PRRC2B: variants seen among roughly 807,000 people sequenced by gnomAD.
The protein encoded by PRRC2B is proline rich coiled-coil 2B.
A neutral mutation model predicts 242.3 loss-of-function variants in PRRC2B; 68 were observed. The ratio of observed to expected loss-of-function variants is 0.28; its 90% confidence interval spans 0.23 to 0.34. The LOEUF (loss-of-function observed/expected upper bound fraction) is 0.34. Among genes scored for constraint, PRRC2B ranks in the 10% least tolerant of loss-of-function variants. The pLI is 1.00. For missense variants in PRRC2B, 2,835 were observed against 2,954.8 expected (o/e 0.96, Z 0.94); for synonymous variants, 1,228 against 1,173.6 (o/e 1.05, Z -0.95).
intron 1 of PRRC2B, among the ~76,000 whole-genome samples, chr9:131,408,183 A>C (rs759401208): frequency 6.6e-6 from 1 of 152,192 alleles, no homozygotes; most frequent in African/African-American, 2.4e-5. Context: ...TCTGACTCCC[A>C]TGTAATTTAC....
intron 1 of PRRC2B, among the ~76,000 whole-genome samples, chr9:131,420,486 TTTCTTTC>T (rs1268038306): frequency 0.054 from 989 of 18,274 alleles, 49 homozygotes; most frequent in African/African-American, 0.1. Context: ...TCTTTCTTTC[TTTCTTTC>T]TTTTTTTTTT....
Position 131,487,737 on chromosome 9 carries a change from C to T in PRRC2B, c.5985-119C>T. The T allele has an allele frequency of 7.3e-7, 1 of 1,375,342 alleles. No homozygotes were observed. Among genetic ancestry groups the T allele is most frequent in the Non-Finnish European group, 9.8e-7 (1 of 1,023,044 alleles). The allele number at this position is 1,375,342 out of a possible 1,614,324, so 85.2% of individuals were successfully genotyped here. A position where few individuals can be genotyped will look rare whatever the true frequency, so the allele number is the denominator to read the frequency against. On this transcript the variant is annotated intron_variant, in intron 27 of 31. Transcript: ENST00000683519. This position sits in a 1 kb window ranked among gnomAD's most constrained non-coding sequence, Gnocchi z 5.3. ...CATCCTGGACCCTCTGAGTCGCGCT[C>T]TGGGGGTGGGGCCGGGGATCTGTGG...
intron 1 of PRRC2B, among the ~76,000 whole-genome samples, chr9:131,424,531 C>A (rs780521513): frequency 6.6e-6 from 1 of 151,802 alleles, no homozygotes; most frequent in African/African-American, 2.4e-5. Flanking sequence ...TACTAAAATA[C>A]GAAAATTAGC....
rs565053117 is a variant in PRRC2B at position 131,482,151 on chromosome 9, G to T, written c.4984-220G>T. ...ATGGGTTTGGCAGCCTCGGTCTGGG[G>T]CCCATAGAAGATCCTGTGGTCACGA... On this transcript the variant is annotated intron_variant, in intron 20 of 31. Coordinates refer to ENST00000683519, the MANE Select transcript of PRRC2B (RefSeq NM_013318.4). This position sits in a 1 kb window ranked among gnomAD's most constrained non-coding sequence, Gnocchi z 5.2. Among the ~76,000 whole-genome samples the T allele has an allele frequency of 6.6e-6, 1 of 152,208 alleles. No individual in the cohort carries two copies. Among genetic ancestry groups the T allele is most frequent in the Non-Finnish European group, 1.5e-5 (1 of 68,044 alleles).
intron 9 of PRRC2B, among the ~76,000 whole-genome samples, chr9:131,449,867 G>C (rs1485709691): frequency 6.6e-6 from 1 of 152,144 alleles, no homozygotes; most frequent in Non-Finnish European, 1.5e-5. Flanking sequence ...ATTAATTTTA[G>C]GTCTTTGATC....
chr9:131,384,019 G>T (rs189376574), intron 1 of PRRC2B, among the ~76,000 whole-genome samples: 12 of 151,100 alleles, frequency 7.9e-5, no homozygotes, highest in Admixed American at 2.0e-4. Context: ...CCTGGGTTCA[G>T]CTGATCTTCC....
intron 1 of PRRC2B, among the ~76,000 whole-genome samples, chr9:131,414,413 C>A (rs949300052): frequency 7.9e-6 from 1 of 126,450 alleles, no homozygotes; most frequent in East Asian, 2.5e-4. Context: ...AAGTTTGTAT[C>A]TTTTGCTTTT....
At position 131,458,740 on chromosome 9, in the gene PRRC2B, T is replaced by C. The variant is rs563754311; in HGVS notation, c.1212-424T>C. 1.2e-3 allele frequency among the ~76,000 whole-genome samples: 189 copies of C among 152,282 alleles called. 1 individual carries two copies. The highest frequency in any genetic ancestry group is 3.9e-3 in the African/African-American group (163 of 41,570). On this transcript the variant is annotated intron_variant, in intron 10 of 31. Coordinates refer to ENST00000683519, the MANE Select transcript of PRRC2B (RefSeq NM_013318.4). ...CTGATCTGGAACTCCTGACCTCAAA[T>C]GATCAGCCCGCCTCAGCCTCCCAAA...
At chr9:131,418,736 C>G (rs1225120385) in intron 1 of PRRC2B, among the ~76,000 whole-genome samples, 1 of 152,220 alleles carries the variant, frequency 6.6e-6, no homozygotes, top group Non-Finnish European at 1.5e-5. Context: ...TCAGCTCAGC[C>G]TTTCTGCCAT....
intron 1 of PRRC2B, among the ~76,000 whole-genome samples, chr9:131,423,677 T>G (rs951739156): frequency 1.3e-5 from 2 of 152,222 alleles, no homozygotes; most frequent in African/African-American, 4.8e-5. Context: ...GTTCTGGGCT[T>G]TGTGGGCCAT....
chr9:131,429,500 G>C (rs1281613139), intron 1 of PRRC2B, among the ~76,000 whole-genome samples: 2 of 152,196 alleles, frequency 1.3e-5, no homozygotes, highest in African/African-American at 4.8e-5. Flanking sequence ...AGCTTAGAGA[G>C]CCCTTTTGTT....
At position 131,487,422 on chromosome 9, in the gene PRRC2B, A is replaced by T; in HGVS notation, c.5984+128A>T. 1.2e-6 allele frequency: 1 copy of T among 811,944 alleles called. No individual in the cohort carries two copies. Among genetic ancestry groups the T allele is most frequent in the African/African-American group, 1.7e-5 (1 of 57,488 alleles). 50.3% of individuals were successfully genotyped at this position (811,944 alleles called of 1,614,324 possible). On this transcript the variant is annotated intron_variant, in intron 27 of 31. Transcript: ENST00000683519. The surrounding 1 kb of genome is among the most constrained non-coding windows in gnomAD (Gnocchi z 5.3). ...GGCCAGTGGGGCGGGGAGGGGTGGG[A>T]GTTTGCTCTGAATCACTCTTCAGTC... is the stretch of plus-strand genomic sequence containing the variant.
At chr9:131,423,567 T>C (rs1837903195) in intron 1 of PRRC2B, among the ~76,000 whole-genome samples, 2 of 152,168 alleles carry the variant, frequency 1.3e-5, no homozygotes, top group Non-Finnish European at 1.5e-5. Flanking sequence ...GAAATCCGAA[T>C]GATTCTGGTT....
At chr9:131,404,254 T>C (rs1275560816) in intron 1 of PRRC2B, among the ~76,000 whole-genome samples, 1 of 151,658 alleles carries the variant, frequency 6.6e-6, no homozygotes, top group Non-Finnish European at 1.5e-5. Context: ...GGACAGAGTT[T>C]TGCTTGTTGC....
At chr9:131,437,067 G>A (rs552406587) in intron 4 of PRRC2B, among the ~76,000 whole-genome samples, 1 of 152,240 alleles carries the variant, frequency 6.6e-6, no homozygotes, top group African/African-American at 2.4e-5. Context: ...TGAGCTCCAT[G>A]GAAGCTTGGG....
intron 4 of PRRC2B, 71 bp downstream of exon 4, chr9:131,436,793 A>T: frequency 1.6e-6 from 2 of 1,276,866 alleles, no homozygotes; most frequent in Non-Finnish European, 2.2e-6. Flanking sequence ...TTGCTGGGGG[A>T]TGGAAGGAGT....
At chr9:131,477,686 G>A (rs956538920) in intron 16 of PRRC2B, 58 bp from the exon 17 acceptor site, 51 of 1,029,784 alleles carry the variant, frequency 5.0e-5, no homozygotes, top group African/African-American at 3.4e-4. Context: ...CTGTGTGCAC[G>A]TGCGGTGTTT....
intron 9 of PRRC2B, among the ~76,000 whole-genome samples, chr9:131,454,186 A>C (rs1943003695): frequency 6.6e-6 from 1 of 152,206 alleles, no homozygotes; most frequent in South Asian, 2.1e-4. Context: ...ATTATGTTAT[A>C]GCATGTGTTT....
At chr9:131,443,759 G>A (rs1213568003) in intron 5 of PRRC2B, among the ~76,000 whole-genome samples, 1 of 152,168 alleles carries the variant, frequency 6.6e-6, no homozygotes, top group Non-Finnish European at 1.5e-5. Context: ...TTTTGGGGTG[G>A]ACTGGGGCAG....
Sources: allele counts gnomAD v4.1 joint callset (sites outside exome capture counted in the v4.1 genomes callset), GRCh38; gene constraint gnomAD v4.1.1; non-coding constraint Gnocchi (gnomAD v3.1); transcripts MANE v1.5; gene names NCBI Gene and HGNC (gene_info 2026-07-23, HGNC 2026-07-21).